ATR: variants seen among roughly 807,000 people sequenced by gnomAD.
ATR encodes ATR checkpoint kinase.
In ATR, 142 loss-of-function variants were observed where a neutral mutation model predicts 305.3. The observed-to-expected ratio is 0.47, with a 90% CI of 0.41 to 0.53. The LOEUF (loss-of-function observed/expected upper bound fraction) is 0.53, where lower values mean the gene tolerates loss of function less well. Among genes scored for constraint, ATR ranks in the 20% least tolerant of loss-of-function variants. The pLI, the probability that ATR is intolerant of heterozygous loss-of-function variation, is 0.00. For missense variants in ATR, 2,135 were observed against 3,133.1 expected (o/e 0.68, Z 7.60); for synonymous variants, 1,050 against 1,068.1 (o/e 0.98, Z 0.33).
At chr3:142,485,353 A>G (rs950497969) in intron 35 of ATR, 71 bp from the exon 36 acceptor site, 8 of 1,546,094 alleles carry the variant, frequency 5.2e-6, no homozygotes, top group Non-Finnish European at 7.1e-6. Context: ...ATATGAATAG[A>G]TGATTAGGGA....
chr3:142,500,944 G>T (rs2031927064), intron 30 of ATR, among the ~76,000 whole-genome samples: 1 of 152,102 alleles, frequency 6.6e-6, no homozygotes, highest in Admixed American at 6.6e-5. Context: ...TGTGTCACAC[G>T]AAGACTTATA....
intron 14 of ATR, among the ~76,000 whole-genome samples, 169 bp from the exon 15 acceptor site, chr3:142,549,842 A>G (rs968585889): frequency 1.3e-5 from 2 of 152,256 alleles, no homozygotes; most frequent in Admixed American, 6.5e-5. Flanking sequence ...TTTATACTTT[A>G]TTATTCCAAC....
At chr3:142,566,369 T>C in intron 2 of ATR, 108 bp from the exon 3 acceptor site, 2 of 1,260,342 alleles carry the variant, frequency 1.6e-6, no homozygotes, top group Non-Finnish European at 2.3e-6. Flanking sequence ...CTGTAACCCC[T>C]GTACTTTGGG....
intron 33 of ATR, among the ~76,000 whole-genome samples, chr3:142,496,802 G>T (rs545154543): frequency 6.6e-6 from 1 of 152,206 alleles, no homozygotes; most frequent in Admixed American, 6.5e-5. Context: ...CCCCAGATAT[G>T]TTTTTAACAT....
At chr3:142,452,688 C>G in intron 46 of ATR, 1 of 1,044,720 alleles carries the variant, frequency 9.6e-7, no homozygotes, top group Non-Finnish European at 1.2e-6. Context: ...ACAACAACCA[C>G]CACCACCACC....
chr3:142,475,833 T>C (rs886496387), intron 36 of ATR, among the ~76,000 whole-genome samples: 65 of 152,362 alleles, frequency 4.3e-4, no homozygotes, highest in African/African-American at 1.4e-3. Context: ...TTGATTTGCA[T>C]TTCTCTGATG....
chr3:142,459,050 GAATATAACC>G lies in ATR; in HGVS notation c.7402_7410del (p.Gly2468_Ile2470del). On this transcript the variant is annotated inframe_deletion, in exon 44 of 47. Transcript: ENST00000350721. ...TCACCATGACGGTCTCCAAGCCCCA[GAATATAACC>G]AACCATTGACATTACTGCAGTGGAA... 6.2e-7 allele frequency: 1 copy of G among 1,613,968 alleles called. No homozygotes were observed. The highest frequency in any genetic ancestry group is 1.1e-5 in the South Asian group (1 of 91,070).
At chr3:142,521,719 G>A (rs1407504115) in intron 23 of ATR, among the ~76,000 whole-genome samples, 1 of 152,168 alleles carries the variant, frequency 6.6e-6, no homozygotes, top group African/African-American at 2.4e-5. Flanking sequence ...AGTTAGAAGT[G>A]GAGCCTGAAG....
chr3:142,545,163 C>T (rs2034219176), intron 16 of ATR, among the ~76,000 whole-genome samples: 1 of 152,086 alleles, frequency 6.6e-6, no homozygotes. Context: ...TAAGCAGAGT[C>T]ATTCTCTCTC....
At chr3:142,503,508 G>A in intron 29 of ATR, 55 bp from the exon 30 acceptor site, 1 of 1,150,316 alleles carries the variant, frequency 8.7e-7, no homozygotes, top group Non-Finnish European at 1.3e-6. Context: ...ATAGCTTGGG[G>A]ACCAAAAACA....
intron 3 of ATR, among the ~76,000 whole-genome samples, chr3:142,564,492 A>G (rs1389311336): frequency 2.0e-5 from 3 of 152,370 alleles, no homozygotes; most frequent in South Asian, 2.1e-4. Flanking sequence ...AGTAAAATAA[A>G]TGTTCAATAA....
intron 4 of ATR, among the ~76,000 whole-genome samples, chr3:142,561,912 T>A (rs1490801200): frequency 2.0e-5 from 3 of 152,200 alleles, no homozygotes; most frequent in Non-Finnish European, 2.9e-5. Flanking sequence ...ATAATCTGAT[T>A]GACCAAAGCT....
intron 21 of ATR, among the ~76,000 whole-genome samples, chr3:142,530,289 G>GT (rs2033587829): frequency 6.8e-6 from 1 of 147,782 alleles, no homozygotes; most frequent in African/African-American, 2.4e-5. Flanking sequence ...TATTTCTCTT[G>GT]TTTTTTAAAT....
At chr3:142,555,255 A>T (rs1037224081) in intron 10 of ATR, among the ~76,000 whole-genome samples, 5 of 143,206 alleles carry the variant, frequency 3.5e-5, no homozygotes, top group Admixed American at 1.4e-4. Flanking sequence ...AAAAAAAAAG[A>T]AAAAAAGAAA....
At chr3:142,514,914 G>A (rs2032794608) in intron 25 of ATR, among the ~76,000 whole-genome samples, 1 of 151,222 alleles carries the variant, frequency 6.6e-6, no homozygotes, top group African/African-American at 2.4e-5. Context: ...TGTCTATCCA[G>A]CATGTAAAAA....
In ATR at chr3:142,499,617, G is replaced by C. The variant is rs746923144; in HGVS notation, c.5380+10C>G. 4 of 1,612,940 alleles carry C rather than the reference G, an allele frequency of 2.5e-6. No homozygotes were observed. In the South Asian group the frequency reaches 4.4e-5, roughly 18 times the overall value. On this transcript the variant is annotated intron_variant, in intron 31 of 46. Transcript: ENST00000350721. ...CCTAAAACTGCTTATATTTTAAGAA[G>C]TAATTTTACCTGCTGCCAAATAGTT...
intron 28 of ATR, among the ~76,000 whole-genome samples, chr3:142,506,739 G>C (rs995553714): frequency 7.9e-5 from 12 of 152,100 alleles, no homozygotes; most frequent in African/African-American, 2.9e-4. Context: ...ATATGGTGCA[G>C]ATGCTGTTTC....
At chr3:142,556,261 C>G in intron 9 of ATR, 122 bp from the exon 10 acceptor site, 1 of 1,489,270 alleles carries the variant, frequency 6.7e-7, no homozygotes, top group Non-Finnish European at 9.1e-7. Flanking sequence ...ATGTTAAATT[C>G]TAAAACTAAA....
chr3:142,572,231 G>A lies in ATR; in HGVS notation c.60-4077C>T, dbSNP rs187713723. On this transcript the variant is annotated intron_variant, in intron 1 of 46. Transcript: ENST00000350721. ...ACTACAGGCACGTGCCACCACGCCC[G>A]GCTAATTTTTTGTATTTTTAGTAGA... Among the ~76,000 whole-genome samples, 609 of 150,982 alleles carry A rather than the reference G, an allele frequency of 4.0e-3. 3 individuals carry two copies. The highest frequency in any genetic ancestry group is 0.014 in the African/African-American group (559 of 41,116).
Sources: allele counts gnomAD v4.1 joint callset (sites outside exome capture counted in the v4.1 genomes callset), GRCh38; gene constraint gnomAD v4.1.1; transcripts MANE v1.5; gene names NCBI Gene and HGNC (gene_info 2026-07-23, HGNC 2026-07-21).